The following ADGRE3 variants were observed in gnomAD, a reference collection of about 807,000 sequenced individuals.
The protein encoded by ADGRE3 is adhesion G protein-coupled receptor E3.
A neutral mutation model predicts 80.1 loss-of-function variants in ADGRE3; 88 were observed. That is an observed-to-expected ratio of 1.10 (90% CI 0.93 to 1.31). The LOEUF is 1.31. ADGRE3 is among the 40% of genes most tolerant of loss of function. The pLI is 0.00. For synonymous variants in ADGRE3, 281 were observed against 294.8 expected (o/e 0.95, Z 0.48); for missense variants, 715 against 776.5 (o/e 0.92, Z 0.94).
At chr19:14,638,385 G>T (rs1284505681) in intron 10 of ADGRE3, 45 bp from the exon 11 acceptor site, 1 of 1,470,718 alleles carries the variant, frequency 6.8e-7, no homozygotes, top group Non-Finnish European at 9.5e-7. Flanking sequence ...TCAGGGTGGA[G>T]TATGGCCCTA....
the ADGRE3 span, chr19:14,610,406 T>G: frequency 1.6e-6 from 1 of 607,994 alleles, no homozygotes; most frequent in Non-Finnish European, 2.8e-6. Flanking sequence ...GATGGTGAGC[T>G]GGGAGGATGC....
At chr19:14,615,335 C>T (rs1175237348), downstream of ADGRE3, among the ~76,000 whole-genome samples, 2 of 150,952 alleles carry the variant, frequency 1.3e-5, no homozygotes, top group Admixed American at 1.3e-4. Flanking sequence ...AGAGGTGACT[C>T]TGAGATGCAT....
chr19:14,670,565 G>A (rs1972229591), intron 1 of ADGRE3, among the ~76,000 whole-genome samples: 1 of 152,160 alleles, frequency 6.6e-6, no homozygotes, highest in Admixed American at 6.5e-5. Flanking sequence ...TATTGTGGCT[G>A]GTAAAGAGCC....
At chr19:14,627,130 T>C (rs1287414563) in intron 14 of ADGRE3, among the ~76,000 whole-genome samples, 1 of 152,110 alleles carries the variant, frequency 6.6e-6, no homozygotes, top group Non-Finnish European at 1.5e-5. Context: ...GTGTGCATTG[T>C]TTAGGATATT....
intron 2 of ADGRE3, 67 bp from the exon 3 acceptor site, chr19:14,663,607 T>C: frequency 6.5e-7 from 1 of 1,530,728 alleles, no homozygotes; most frequent in Non-Finnish European, 8.9e-7. Flanking sequence ...AATTAGGCCC[T>C]GCCTCTTGAT....
chr19:14,604,307 G>C, the ADGRE3 span, among the ~76,000 whole-genome samples: 1 of 152,072 alleles, frequency 6.6e-6, no homozygotes, highest in Non-Finnish European at 1.5e-5. Flanking sequence ...TCTTCTCTCT[G>C]GGGCCTGCCA....
At chr19:14,617,287 C>G (rs918054385), downstream of ADGRE3, among the ~76,000 whole-genome samples, 20 of 148,162 alleles carry the variant, frequency 1.3e-4, no homozygotes, top group Non-Finnish European at 2.8e-4. Context: ...CGTTCTTTCT[C>G]TTTCTCTCTC....
intron 6 of ADGRE3, among the ~76,000 whole-genome samples, chr19:14,651,423 G>A (rs1404300470): frequency 6.6e-6 from 1 of 152,042 alleles, no homozygotes; most frequent in Non-Finnish European, 1.5e-5. Flanking sequence ...CACATATACT[G>A]AATGTCTAGG....
chr19:14,661,895 AAAACAAAACAAAC>A (rs1482059565), intron 4 of ADGRE3, 55 bp downstream of exon 4: 2 of 1,556,116 alleles, frequency 1.3e-6, no homozygotes, highest in African/African-American at 2.7e-5. Context: ...AAAACAAAAC[AAAACAAAACAAAC>A]AAACAAAAAA....
the ADGRE3 span, among the ~76,000 whole-genome samples, chr19:14,600,369 A>G: frequency 6.6e-6 from 1 of 152,308 alleles, no homozygotes; most frequent in Non-Finnish European, 1.5e-5. Context: ...TTTGTTTTTG[A>G]GTTCAAATTC....
chr19:14,662,496 C>T (rs984533228), intron 3 of ADGRE3, among the ~76,000 whole-genome samples: 2 of 152,116 alleles, frequency 1.3e-5, no homozygotes, highest in Non-Finnish European at 2.9e-5. Context: ...AGCGATTCTC[C>T]TGCCTCAGCC....
At chr19:14,651,920 T>C (rs897454346) in intron 6 of ADGRE3, among the ~76,000 whole-genome samples, 5 of 152,112 alleles carry the variant, frequency 3.3e-5, no homozygotes, top group African/African-American at 1.2e-4. Context: ...TGTGCACCTG[T>C]AATCTCAGCT....
chr19:14,647,323 T>C lies in ADGRE3; in HGVS notation c.740A>G (p.Asn247Ser), dbSNP rs774469284. ...TTCAAAAAAAGTTGCATTTATGATG[T>C]TTCCAAGAGAAGAATATGAGATAAA... ...IAFISYSSLG[N>S]IINATFFEEM... Residue 247 changes from asparagine (N) to serine (S), a missense_variant, in exon 8 of 16, where the codon AAC becomes AGC. Physicochemically the swap from Asn to Ser is conservative, Grantham distance 46 (BLOSUM62 1). Coordinates refer to ENST00000253673, the MANE Select transcript of ADGRE3 (RefSeq NM_032571.5). 3.8e-5 allele frequency: 61 copies of C among 1,612,470 alleles called. 1 individual carries two copies. The South Asian group carries it at 6.3e-4, about 17-fold the overall frequency.
chr19:14,615,144 G>GGATTCA (rs542267532), downstream of ADGRE3, among the ~76,000 whole-genome samples: 750 of 151,164 alleles, frequency 5.0e-3, 6 homozygotes, highest in African/African-American at 0.016. Context: ...GGCAGAACTG[G>GGATTCA]GATTCAGATT....
intron 10 of ADGRE3, among the ~76,000 whole-genome samples, chr19:14,640,211 A>T (rs926231578): frequency 6.6e-6 from 1 of 152,134 alleles, no homozygotes; most frequent in Non-Finnish European, 1.5e-5. Context: ...TTAGTTTACA[A>T]AGGCATTCCT....
rs769751893 is a variant in ADGRE3, at chr19:14,638,356, G to A, written c.1249-16C>T. 21 of 1,605,154 alleles carry A rather than the reference G, an allele frequency of 1.3e-5. No individual in the cohort carries two copies. The highest frequency in any genetic ancestry group is 1.7e-5 in the Non-Finnish European group (20 of 1,172,268). On this transcript the variant is annotated splice_polypyrimidine_tract_variant and intron_variant, in intron 10 of 15. Coordinates refer to ENST00000253673, the MANE Select transcript of ADGRE3 (RefSeq NM_032571.5). ...AGCACAGCACCTGGGGGAGGAGAAA[G>A]GGATGCCTGAAGGGGTTGTCAGGGT...
chr19:14,665,298 C>A (rs1599652409), intron 2 of ADGRE3, among the ~76,000 whole-genome samples: 1 of 151,738 alleles, frequency 6.6e-6, no homozygotes, highest in African/African-American at 2.4e-5. Context: ...CTCCTGACCT[C>A]GTGATCCGCC....
intron 5 of ADGRE3, among the ~76,000 whole-genome samples, chr19:14,658,269 CATAATAT>C (rs1971831482): frequency 1.3e-5 from 2 of 150,566 alleles, no homozygotes; most frequent in Admixed American, 6.6e-5. Context: ...CACAATTATG[CATAATAT>C]ATAATTGTAT....
intron 2 of ADGRE3, among the ~76,000 whole-genome samples, chr19:14,665,936 G>GTATATATATGCATACATATA (rs71166783): frequency 0.12 from 5,251 of 42,010 alleles, 1,637 homozygotes; most frequent in Middle Eastern, 0.17. Context: ...ACACATATGT[G>GTATATATATGCATACATATA]TATATATATA....
Sources: allele counts gnomAD v4.1 joint callset (sites outside exome capture counted in the v4.1 genomes callset), GRCh38; gene constraint gnomAD v4.1.1; transcripts MANE v1.5; gene names NCBI Gene and HGNC (gene_info 2026-07-23, HGNC 2026-07-21).